TNC: variants seen among roughly 807,000 people sequenced by gnomAD.
TNC encodes tenascin.
A neutral mutation model predicts 202.4 loss-of-function variants in TNC; 109 were observed. The ratio of observed to expected loss-of-function variants is 0.54; its 90% CI spans 0.46 to 0.63. The LOEUF (loss-of-function observed/expected upper bound fraction) is 0.63, where lower values mean the gene tolerates loss of function less well. Ranked by LOEUF, TNC falls within the 30% of genes least tolerant of loss-of-function variation. The pLI is 0.00. For missense variants in TNC, 2,756 were observed against 2,833.3 expected (o/e 0.97, Z 0.62); for synonymous variants, 1,007 against 1,089.7 (o/e 0.92, Z 1.50).
rs754818701 is a variant in TNC, at chr9:115,057,452, GA to G, written c.4307-28del. The stretch of plus-strand genomic sequence containing the variant: ...TGTAAAAGGAAGGGGTAGGGGAGAA[GA>G]AAAAAATAAATTTGAGTTAATTATT... On this transcript the variant is annotated intron_variant, in intron 14 of 27. Transcript: ENST00000350763. 6.4e-6 allele frequency: 10 copies of G among 1,551,108 alleles called. No individual in the cohort carries two copies. The African/African-American group carries it at 1.2e-4, about 19-fold the overall frequency.
chr9:115,102,066 A>G (rs1012026038), intron 1 of TNC, among the ~76,000 whole-genome samples: 5 of 152,194 alleles, frequency 3.3e-5, no homozygotes, highest in Admixed American at 1.3e-4. Flanking sequence ...ATTATGAGAT[A>G]GTATTTGTAC....
At chr9:115,058,911 A>G (rs1346289264) in intron 14 of TNC, among the ~76,000 whole-genome samples, 5 of 152,094 alleles carry the variant, frequency 3.3e-5, no homozygotes, top group African/African-American at 1.2e-4. Flanking sequence ...TGACGAGTAA[A>G]CTATAATGCA....
At chr9:115,044,873 C>A (rs1831057557) in intron 17 of TNC, among the ~76,000 whole-genome samples, 1 of 152,150 alleles carries the variant, frequency 6.6e-6, no homozygotes, top group Admixed American at 6.5e-5. Context: ...TGGGTGATTT[C>A]TTGCCACTTA....
intron 2 of TNC, among the ~76,000 whole-genome samples, chr9:115,090,067 A>G (rs1835102294): frequency 2.0e-5 from 3 of 152,176 alleles, no homozygotes; most frequent in Admixed American, 6.5e-5. Context: ...AGCACTGTGC[A>G]TTTGTAAGAA....
intron 1 of TNC, among the ~76,000 whole-genome samples, chr9:115,101,280 C>A (rs1836214468): frequency 6.6e-6 from 1 of 152,190 alleles, no homozygotes; most frequent in Non-Finnish European, 1.5e-5. Context: ...GGTGCGATCT[C>A]AGCTCATTGC....
intron 17 of TNC, among the ~76,000 whole-genome samples, chr9:115,044,327 T>C (rs1005467915): frequency 6.6e-6 from 1 of 151,308 alleles, no homozygotes; most frequent in African/African-American, 2.4e-5. Flanking sequence ...TTAGGCATCT[T>C]CTGTGCTCAA....
chr9:115,073,132 A>T (rs1450388356), intron 10 of TNC, among the ~76,000 whole-genome samples: 2 of 152,370 alleles, frequency 1.3e-5, no homozygotes, highest in African/African-American at 4.8e-5. Context: ...CCTTGGCAGA[A>T]AGCAAAAGAC....
chr9:115,036,529 C>G (rs184345801), intron 20 of TNC, among the ~76,000 whole-genome samples: 9 of 152,270 alleles, frequency 5.9e-5, no homozygotes, highest in Non-Finnish European at 1.0e-4. Flanking sequence ...TGGCTGGAAT[C>G]GCTTTGCCAC....
At chr9:115,103,641 A>G (rs942479026) in intron 1 of TNC, among the ~76,000 whole-genome samples, 1 of 152,152 alleles carries the variant, frequency 6.6e-6, no homozygotes, top group Admixed American at 6.5e-5. Context: ...TTCCAATTCT[A>G]AGATCCCTTT....
intron 1 of TNC, chr9:115,114,943 G>C (rs1003012623): frequency 1.6e-5 from 2 of 125,722 alleles, no homozygotes; most frequent in African/African-American, 5.9e-5. Context: ...CTTTGTGTTT[G>C]TGTGTTTTAC....
rs139061925 is a variant in TNC at position 115,064,034 on chromosome 9, G to A, written c.3522C>T (p.Ala1174=). 1.6e-5 allele frequency: 26 copies of A among 1,611,100 alleles called. No individual in the cohort carries two copies. Among genetic ancestry groups the A allele is most frequent in the East Asian group, 1.6e-4 (7 of 44,802 alleles). ...ETPNLGEVVV[A]EVGWDALKLN... is the part of the protein sequence containing the mutation. ...GTTTGAGGGCATCCCAGCCCACCTCGGCCACCACGACCTCTCCCAAATTGG... is the reference window on the plus strand; with the variant it reads ...GTTTGAGGGCATCCCAGCCCACCTCAGCCACCACGACCTCTCCCAAATTGG... The change falls in exon 12 of 28, where the codon GCC becomes GCT. Residue 1174 remains alanine (A), a synonymous_variant. Transcript: ENST00000350763.
In TNC at chr9:115,020,980, T is replaced by A; in HGVS notation, c.*177A>T. 1.8e-6 allele frequency: 1 copy of A among 560,854 alleles called. No homozygotes were observed. The highest frequency in any genetic ancestry group is 3.1e-6 in the Non-Finnish European group (1 of 318,000). 34.7% of individuals were successfully genotyped at this position (560,854 alleles called of 1,614,324 possible). ...GATGTCTTTGGTGCAAAGAAAGAAA[T>A]CACAGAGGAGGTGAGGCCCATGCTG... On this transcript the variant is annotated 3_prime_UTR_variant, in exon 28 of 28. Coordinates refer to ENST00000350763, the MANE Select transcript of TNC (RefSeq NM_002160.4).
chr9:115,090,626 G>C lies in TNC; in HGVS notation c.393C>G (p.Asn131Lys), dbSNP rs1334839673. 5.6e-6 allele frequency: 9 copies of C among 1,610,140 alleles called. No homozygotes were observed. Among genetic ancestry groups the C allele is most frequent in the Non-Finnish European group, 6.8e-6 (8 of 1,177,584 alleles). ...ELLSRLEELE[N>K]LVSSLREQCT... is the part of the protein sequence containing the mutation. ...ATTGCTCCCTCAGGGAAGACACCAG[G>C]TTCTCCAGCTCCTCCAGTCTGCTCA... The change falls in exon 2 of 28, where the codon AAC becomes AAG. Residue 131 changes from asparagine to lysine, a missense_variant. By Grantham distance (94) the Asn-to-Lys change is moderately conservative. Around this residue, in one of 2 missense-constraint regions of TNC, gnomAD observed 2,559 missense variants for 2,546.0 expected, o/e 1.01. Coordinates refer to ENST00000350763, the MANE Select transcript of TNC (RefSeq NM_002160.4).
At chr9:115,092,742 T>G (rs1291657700) in intron 1 of TNC, among the ~76,000 whole-genome samples, 1 of 121,106 alleles carries the variant, frequency 8.3e-6, no homozygotes, top group African/African-American at 3.4e-5. Context: ...CCTGGCTGAT[T>G]TTTTGTATTT....
At chr9:115,099,973 C>G (rs1277077606) in intron 1 of TNC, among the ~76,000 whole-genome samples, 1 of 152,208 alleles carries the variant, frequency 6.6e-6, no homozygotes, top group Non-Finnish European at 1.5e-5. Context: ...GTTATCCTAT[C>G]TCTTCTAACT....
chr9:115,038,213 C>A, intron 20 of TNC, 48 bp downstream of exon 20: 1 of 1,588,762 alleles, frequency 6.3e-7, no homozygotes, highest in Non-Finnish European at 8.6e-7. Flanking sequence ...GAGTTTACAG[C>A]AGGAAAGACA....
chr9:115,045,981 G>C (rs1456129226), intron 17 of TNC, among the ~76,000 whole-genome samples: 1 of 151,900 alleles, frequency 6.6e-6, no homozygotes, highest in Non-Finnish European at 1.5e-5. Flanking sequence ...CAAAGAACAA[G>C]GAAGTGTATC....
At chr9:115,046,972 G>T (rs1268863377) in intron 16 of TNC, among the ~76,000 whole-genome samples, 1 of 152,096 alleles carries the variant, frequency 6.6e-6, no homozygotes, top group African/African-American at 2.4e-5. Context: ...GCATTGGCCC[G>T]TCCCACATAT....
Position 115,036,088 on chromosome 9 carries a change from G to A in TNC, c.5656+10C>T, listed in dbSNP as rs1210351439. ...GAAGGGAGAGCTTCCAGCTCTCAGT[G>A]TCTTTGTACCTGTTGTGAACTTGGC... On this transcript the variant is annotated intron_variant, in intron 21 of 27. Transcript: ENST00000350763. 4 of 1,614,000 alleles carry A rather than the reference G, an allele frequency of 2.5e-6. No individual in the cohort carries two copies. The Admixed American group carries it at 5.0e-5, about 20-fold the overall frequency.
Sources: allele counts gnomAD v4.1 joint callset (sites outside exome capture counted in the v4.1 genomes callset), GRCh38; gene constraint gnomAD v4.1.1; regional missense constraint gnomAD v4.1.1; transcripts MANE v1.5; gene names NCBI Gene and HGNC (gene_info 2026-07-23, HGNC 2026-07-21).